Variants in PRDM5 observed in about 807,000 individuals in gnomAD.
PRDM5 encodes the protein PR domain zinc finger protein 5.
In PRDM5, 56 loss-of-function variants were observed where a neutral mutation model predicts 81.2. The ratio of observed to expected loss-of-function variants is 0.69; its 90% CI spans 0.56 to 0.86. The LOEUF is 0.86. PRDM5 is among the 40% of genes least tolerant of loss of function. The pLI is 0.00. For synonymous variants in PRDM5, 267 were observed against 256.4 expected, an observed-to-expected ratio of 1.04 and a Z score of -0.39; for missense variants, 697 against 770.1, an observed-to-expected ratio of 0.91 and a Z score of 1.12.
rs79683641 is a variant in PRDM5 at position 120,814,645 on chromosome 4, C to A, written c.865+1808G>T. Among the ~76,000 whole-genome samples the A allele has an allele frequency of 8.5e-4, 130 of 152,258 alleles. No individual in the cohort carries two copies. The East Asian group carries it at 0.023, about 27-fold the overall frequency. On this transcript the variant is annotated intron_variant, in intron 7 of 15. Coordinates refer to ENST00000264808, the MANE Select transcript of PRDM5 (RefSeq NM_018699.4). ...CATCAAAGATCTCTTTCTTTGAGTG[C>A]CTTTGCCTTTCTATAATAAAGGATT...
Position 120,741,898 on chromosome 4 carries a change from A to G in PRDM5, c.1623+12655T>C, listed in dbSNP as rs1340774961. 2.0e-4 allele frequency among the ~76,000 whole-genome samples: 30 copies of G among 152,330 alleles called. No homozygotes were observed. In the East Asian group the frequency reaches 3.3e-3, roughly 17 times the overall value. Reference sequence around the variant, plus strand: ...GCTTGCTTAGGTAAACAAAGCAGCCAGCCAGCTCAAACTGGGTGGAGCCCA... The same window carrying G: ...GCTTGCTTAGGTAAACAAAGCAGCCGGCCAGCTCAAACTGGGTGGAGCCCA... On this transcript the variant is annotated intron_variant, in intron 14 of 15. Coordinates refer to ENST00000264808, the MANE Select transcript of PRDM5 (RefSeq NM_018699.4).
intron 2 of PRDM5, among the ~76,000 whole-genome samples, chr4:120,867,962 G>A (rs919272935): frequency 2.0e-5 from 3 of 152,204 alleles, no homozygotes; most frequent in South Asian, 2.1e-4. Flanking sequence ...AACATTGGGC[G>A]CTGCCAATGA....
At chr4:120,731,362 G>A (rs1012976861) in intron 14 of PRDM5, among the ~76,000 whole-genome samples, 1 of 149,616 alleles carries the variant, frequency 6.7e-6, no homozygotes, top group African/African-American at 2.4e-5. Context: ...TTAAACAGAG[G>A]TCTTCTTTTT....
chr4:120,755,506 G>T (rs1236689873), intron 13 of PRDM5, among the ~76,000 whole-genome samples: 1 of 152,114 alleles, frequency 6.6e-6, no homozygotes, highest in Non-Finnish European at 1.5e-5. Context: ...TAAAACTTTT[G>T]TCTTCCCTTC....
At chr4:120,830,792 G>A (rs1409014922) in intron 3 of PRDM5, among the ~76,000 whole-genome samples, 2 of 151,968 alleles carry the variant, frequency 1.3e-5, no homozygotes, top group South Asian at 2.1e-4. Context: ...CAGCCATACA[G>A]GGAGGAAACA....
intron 14 of PRDM5, among the ~76,000 whole-genome samples, chr4:120,724,210 A>T (rs1482431167): frequency 6.6e-6 from 1 of 152,186 alleles, no homozygotes; most frequent in Non-Finnish European, 1.5e-5. Context: ...GAGTAATTTC[A>T]TCAGCAAAAG....
intron 13 of PRDM5, among the ~76,000 whole-genome samples, chr4:120,775,409 C>G (rs555805978): frequency 6.6e-6 from 1 of 152,156 alleles, no homozygotes; most frequent in South Asian, 2.1e-4. Context: ...CCTAGCCATA[C>G]TATGAGTAAA....
At chr4:120,885,059 C>G (rs1363219920) in intron 2 of PRDM5, among the ~76,000 whole-genome samples, 2 of 140,718 alleles carry the variant, frequency 1.4e-5, no homozygotes, top group African/African-American at 5.5e-5. Flanking sequence ...GGCCTGAACC[C>G]GGGAGGGCGA....
At chr4:120,727,873 T>C (rs1267792178) in intron 14 of PRDM5, among the ~76,000 whole-genome samples, 1 of 150,208 alleles carries the variant, frequency 6.7e-6, no homozygotes, top group East Asian at 2.0e-4. Context: ...GAGGTGGAGG[T>C]TGCAGTGAGC....
chr4:120,738,918 T>A (rs1280519787), intron 14 of PRDM5, among the ~76,000 whole-genome samples: 1 of 152,256 alleles, frequency 6.6e-6, no homozygotes, highest in East Asian at 1.9e-4. Context: ...TGTTTAATGA[T>A]ATAAAATAAC....
intron 11 of PRDM5, among the ~76,000 whole-genome samples, chr4:120,782,843 A>T (rs1210721572): frequency 6.6e-6 from 1 of 152,134 alleles, no homozygotes; most frequent in Non-Finnish European, 1.5e-5. Context: ...GATTGTTCCT[A>T]TCAAAGCATT....
At chr4:120,893,159 G>A (rs142082551) in intron 2 of PRDM5, among the ~76,000 whole-genome samples, 41 of 152,354 alleles carry the variant, frequency 2.7e-4, no homozygotes, top group African/African-American at 9.1e-4. Flanking sequence ...AGGCTGCTGG[G>A]AGTCCAGGGG....
downstream of PRDM5, among the ~76,000 whole-genome samples, chr4:120,690,515 T>G (rs528736150): frequency 1.3e-5 from 2 of 151,992 alleles, no homozygotes; most frequent in African/African-American, 4.8e-5. Flanking sequence ...AATGTAAAAT[T>G]TTCATATAAT....
At chr4:120,722,707 C>T (rs1738808934) in intron 14 of PRDM5, among the ~76,000 whole-genome samples, 1 of 152,094 alleles carries the variant, frequency 6.6e-6, no homozygotes, top group South Asian at 2.1e-4. Context: ...AATTCCACTT[C>T]CCGTGCAGTG....
At chr4:120,801,059 A>G (rs1752051920) in intron 8 of PRDM5, among the ~76,000 whole-genome samples, 1 of 152,252 alleles carries the variant, frequency 6.6e-6, no homozygotes, top group African/African-American at 2.4e-5. Context: ...AATGTTGATC[A>G]TCCCAATGAA....
chr4:120,804,560 T>A (rs1371604421), intron 8 of PRDM5, among the ~76,000 whole-genome samples: 1 of 151,968 alleles, frequency 6.6e-6, no homozygotes, highest in Admixed American at 6.6e-5. Context: ...TCAAAACCAC[T>A]CAACTACATG....
intron 3 of PRDM5, among the ~76,000 whole-genome samples, chr4:120,832,244 G>C (rs150143005): frequency 2.6e-4 from 39 of 152,166 alleles, no homozygotes; most frequent in Non-Finnish European, 5.6e-4. Context: ...ATCTCTTCTG[G>C]GGGCAGGGGA....
intron 10 of PRDM5, among the ~76,000 whole-genome samples, chr4:120,789,602 A>C (rs764262392): frequency 1.2e-4 from 18 of 152,176 alleles, no homozygotes; most frequent in Non-Finnish European, 2.5e-4. Context: ...TTGAAGACTC[A>C]GGTTTCATGT....
At chr4:120,719,866 C>T (rs114919513) in intron 14 of PRDM5, among the ~76,000 whole-genome samples, 2,972 of 152,194 alleles carry the variant, frequency 0.02, 48 homozygotes, top group Non-Finnish European at 0.032. Flanking sequence ...AAAAATATCG[C>T]CATTATCCTT....
Sources: allele counts gnomAD v4.1 joint callset (sites outside exome capture counted in the v4.1 genomes callset), GRCh38; gene constraint gnomAD v4.1.1; transcripts MANE v1.5; gene names NCBI Gene and HGNC (gene_info 2026-07-23, HGNC 2026-07-21).